Variants in RANBP17 observed in about 807,000 individuals in gnomAD.
RANBP17 encodes ran-binding protein 17.
In RANBP17, 158 loss-of-function variants were observed where a neutral mutation model predicts 141.2. That is an observed-to-expected ratio of 1.12 (90% CI 0.98 to 1.28). The LOEUF (loss-of-function observed/expected upper bound fraction) is 1.28. RANBP17 is among the 50% of genes most tolerant of loss of function. RANBP17 has a pLI of 0.00. For synonymous variants in RANBP17, 430 were observed against 450.0 expected, an observed-to-expected ratio of 0.96 and a Z score of 0.56; for missense variants, 1,438 against 1,290.7, an observed-to-expected ratio of 1.11 and a Z score of -1.75.
At chr5:170,934,151 C>T (rs1773655780) in intron 12 of RANBP17, among the ~76,000 whole-genome samples, 1 of 152,122 alleles carries the variant, frequency 6.6e-6, no homozygotes, top group Admixed American at 6.5e-5. Context: ...CTGAATTGAT[C>T]CCTTTACCAT....
At chr5:171,120,898 T>C (rs993053497) in intron 14 of RANBP17, among the ~76,000 whole-genome samples, 4 of 152,258 alleles carry the variant, frequency 2.6e-5, no homozygotes, top group Non-Finnish European at 4.4e-5. Context: ...TAGTTTTTCA[T>C]TGATAGACAA....
chr5:171,006,390 T>C (rs966957857), intron 14 of RANBP17, among the ~76,000 whole-genome samples: 1 of 152,174 alleles, frequency 6.6e-6, no homozygotes, highest in African/African-American at 2.4e-5. Flanking sequence ...ATGTGGCACA[T>C]ATACACCATG....
intron 14 of RANBP17, among the ~76,000 whole-genome samples, chr5:171,108,727 T>C (rs1755019771): frequency 2.0e-5 from 3 of 152,198 alleles, no homozygotes; most frequent in South Asian, 2.1e-4. Context: ...AATTTTTGTG[T>C]CTTCTTTTTC....
chr5:171,190,746 G>A (rs1235009904), intron 18 of RANBP17, among the ~76,000 whole-genome samples: 2 of 152,168 alleles, frequency 1.3e-5, no homozygotes, highest in East Asian at 3.8e-4. Flanking sequence ...TTTGAATGCA[G>A]GTGAATTTAG....
intron 14 of RANBP17, among the ~76,000 whole-genome samples, chr5:171,114,823 CT>C (rs1755497466): frequency 6.6e-6 from 1 of 151,524 alleles, no homozygotes; most frequent in Non-Finnish European, 1.5e-5. Context: ...TCTTAAAAAT[CT>C]TATGAGTGGC....
At chr5:170,984,583 ACC>A (rs1777993025) in intron 14 of RANBP17, among the ~76,000 whole-genome samples, 1 of 152,154 alleles carries the variant, frequency 6.6e-6, no homozygotes, top group Non-Finnish European at 1.5e-5. Context: ...CTGTGATCAC[ACC>A]AGTGCATTCC....
chr5:171,251,370 G>A (rs1561801407), intron 24 of RANBP17, among the ~76,000 whole-genome samples: 1 of 151,926 alleles, frequency 6.6e-6, no homozygotes. Flanking sequence ...ATGAGCCACC[G>A]CACCTGGCCC....
chr5:171,145,839 C>A (rs1003761797), intron 14 of RANBP17, among the ~76,000 whole-genome samples: 8 of 151,974 alleles, frequency 5.3e-5, no homozygotes, highest in African/African-American at 1.9e-4. Flanking sequence ...AAAAACTAAT[C>A]CCCCCAAAAG....
chr5:170,919,576 A>G lies in RANBP17; in HGVS notation c.1237A>G (p.Ile413Val). The change falls in exon 11 of 28, where the codon ATC becomes GTC. Residue 413 changes from isoleucine (I) to valine (V), a missense_variant. Physicochemically the swap from Ile to Val is conservative, Grantham distance 29 (BLOSUM62 3). Coordinates refer to ENST00000523189, the MANE Select transcript of RANBP17 (RefSeq NM_022897.5). Reference protein sequence around the residue: ...TYAPEITKAFITSRLDSVAIV... With the variant: ...TYAPEITKAFVTSRLDSVAIV... ...TGCACCAGAAATCACGAAGGCCTTT[A>G]TCACTTCTCGGTTGGACTCTGTTGC... is the stretch of plus-strand genomic sequence containing the variant. 1 of 1,609,820 alleles carries G rather than the reference A, an allele frequency of 6.2e-7. No individual in the cohort carries two copies. Among genetic ancestry groups the G allele is most frequent in the Non-Finnish European group, 8.5e-7 (1 of 1,178,554 alleles).
intron 13 of RANBP17, among the ~76,000 whole-genome samples, chr5:170,957,224 G>C (rs1269157593): frequency 6.6e-6 from 1 of 152,148 alleles, no homozygotes; most frequent in Non-Finnish European, 1.5e-5. Flanking sequence ...TATTGAACAT[G>C]TTGAACTAAG....
intron 14 of RANBP17, among the ~76,000 whole-genome samples, chr5:170,992,687 T>G (rs958850115): frequency 6.6e-6 from 1 of 151,966 alleles, no homozygotes. Context: ...GGAAAATGAA[T>G]GGGTTTGTTT....
chr5:170,984,996 CACAG>C (rs1330909798), intron 14 of RANBP17, among the ~76,000 whole-genome samples: 4 of 151,392 alleles, frequency 2.6e-5, no homozygotes, highest in Non-Finnish European at 4.4e-5. Context: ...CACACATATA[CACAG>C]ACACACAGAC....
At chr5:171,056,412 A>G (rs1389920379) in intron 14 of RANBP17, among the ~76,000 whole-genome samples, 2 of 152,180 alleles carry the variant, frequency 1.3e-5, no homozygotes, top group Non-Finnish European at 2.9e-5. Flanking sequence ...CAAAAACATG[A>G]TTGACAAAGA....
At chr5:171,267,764 C>T (rs2128022821) in intron 25 of RANBP17, among the ~76,000 whole-genome samples, 1 of 152,010 alleles carries the variant, frequency 6.6e-6, no homozygotes, top group South Asian at 2.1e-4. Flanking sequence ...CGAGATCACA[C>T]CACTGCACTC....
chr5:171,162,408 G>A (rs550918862), intron 14 of RANBP17, among the ~76,000 whole-genome samples: 3 of 152,210 alleles, frequency 2.0e-5, no homozygotes, highest in South Asian at 4.1e-4. Flanking sequence ...AAGGCCTGTC[G>A]GGAGGCATTA....
intron 14 of RANBP17, among the ~76,000 whole-genome samples, chr5:171,098,322 G>C (rs1279140058): frequency 2.0e-5 from 3 of 151,772 alleles, no homozygotes; most frequent in Non-Finnish European, 4.4e-5. Context: ...TTGTAATGAT[G>C]GCCATTCTAA....
intron 14 of RANBP17, among the ~76,000 whole-genome samples, chr5:171,075,697 A>T (rs1784874414): frequency 6.6e-6 from 1 of 152,224 alleles, no homozygotes; most frequent in African/African-American, 2.4e-5. Flanking sequence ...TCAAGCCTGT[A>T]ATCCCAGCAC....
At chr5:171,047,442 G>GT (rs60072803) in intron 14 of RANBP17, among the ~76,000 whole-genome samples, 76,840 of 129,310 alleles carry the variant, frequency 0.59, 23,789 homozygotes, top group South Asian at 0.86. Flanking sequence ...TTTTTGTTTT[G>GT]TTTTTTTTTT....
chr5:170,916,677 T>C lies in RANBP17; in HGVS notation c.954+93T>C, dbSNP rs1771999654. On this transcript the variant is annotated intron_variant, in intron 9 of 27. Transcript: ENST00000523189. ...ACTCATCATGAATTTATTATGATTC[T>C]GGAAGAAAACATTTAGTATCATATA... 8 of 846,178 alleles carry C rather than the reference T, an allele frequency of 9.5e-6. No individual in the cohort carries two copies. The East Asian group carries it at 2.0e-4, about 21-fold the overall frequency. The allele number at this position is 846,178 out of a possible 1,614,324, so 52.4% of individuals were successfully genotyped here.
Sources: allele counts gnomAD v4.1 joint callset (sites outside exome capture counted in the v4.1 genomes callset), GRCh38; gene constraint gnomAD v4.1.1; transcripts MANE v1.5; gene names NCBI Gene and HGNC (gene_info 2026-07-23, HGNC 2026-07-21).